SYT1: variants seen among roughly 807,000 people sequenced by gnomAD.
SYT1 encodes the protein synaptotagmin 1.
SYT1 carries 8 observed loss-of-function variants against 44.8 expected under a neutral mutation model. The ratio of observed to expected loss-of-function variants is 0.18; its 90% CI spans 0.10 to 0.32. The LOEUF (loss-of-function observed/expected upper bound fraction) is 0.32, where lower values mean the gene tolerates loss of function less well. SYT1 is among the 10% of genes least tolerant of loss of function. The probability of loss-of-function intolerance (pLI) is 1.00; values close to 1 mark genes in which losing one functional copy is unlikely to be tolerated. For missense variants in SYT1, 286 were observed against 509.3 expected (o/e 0.56, Z 4.22); for synonymous variants, 154 against 188.8 (o/e 0.82, Z 1.51).
chr12:79,182,084 T>G (rs1872580317), intron 3 of SYT1, among the ~76,000 whole-genome samples: 1 of 152,122 alleles, frequency 6.6e-6, no homozygotes, highest in Admixed American at 6.6e-5. Context: ...GTTATTACTT[T>G]GTCTTTGTCC....
At chr12:79,184,991 A>T (rs1481937154) in intron 3 of SYT1, among the ~76,000 whole-genome samples, 2 of 152,080 alleles carry the variant, frequency 1.3e-5, no homozygotes, top group Non-Finnish European at 2.9e-5. Context: ...CTGTGTTCTT[A>T]CCGCAAGAGC....
At chr12:78,904,372 T>C (rs927634193) in intron 1 of SYT1, among the ~76,000 whole-genome samples, 1 of 152,118 alleles carries the variant, frequency 6.6e-6, no homozygotes, top group African/African-American at 2.4e-5. Context: ...TGTAAAAATA[T>C]AAAATTTGAA....
intron 3 of SYT1, among the ~76,000 whole-genome samples, chr12:79,122,182 G>C (rs1222513536): frequency 6.6e-6 from 1 of 152,108 alleles, no homozygotes; most frequent in African/African-American, 2.4e-5. Context: ...AAAGACTGTA[G>C]AAAAATATGA....
chr12:79,173,883 C>T (rs61927328), intron 3 of SYT1, among the ~76,000 whole-genome samples: 11,426 of 152,000 alleles, frequency 0.075, 541 homozygotes, highest in African/African-American at 0.13. Flanking sequence ...TTAGCAAGTG[C>T]CGTAATGTAT....
intron 2 of SYT1, among the ~76,000 whole-genome samples, chr12:79,024,600 G>A (rs1872406006): frequency 6.6e-6 from 1 of 151,766 alleles, no homozygotes; most frequent in African/African-American, 2.4e-5. Context: ...TAAGAATGAT[G>A]TACCAGAGTT....
intron 3 of SYT1, among the ~76,000 whole-genome samples, chr12:79,057,173 C>A (rs186603065): frequency 6.6e-6 from 1 of 151,976 alleles, no homozygotes; most frequent in Non-Finnish European, 1.5e-5. Context: ...CTTTTCTATT[C>A]TGAAAGATGA....
intron 4 of SYT1, among the ~76,000 whole-genome samples, chr12:79,235,379 A>C (rs1048400986): frequency 1.3e-5 from 2 of 152,078 alleles, no homozygotes; most frequent in African/African-American, 4.8e-5. Context: ...CTAAATGTAA[A>C]AGTTAAAACT....
chr12:79,192,225 A>G (rs778582518), intron 3 of SYT1, among the ~76,000 whole-genome samples: 11 of 152,180 alleles, frequency 7.2e-5, no homozygotes, highest in Non-Finnish European at 1.5e-4. Flanking sequence ...AAGAGATCAC[A>G]TAGGATGAAA....
chr12:78,968,691 G>T (rs1317109686), intron 1 of SYT1, among the ~76,000 whole-genome samples: 1 of 152,152 alleles, frequency 6.6e-6, no homozygotes, highest in Non-Finnish European at 1.5e-5. Flanking sequence ...ATAGTGCAGA[G>T]TGTACTTCAA....
intron 9 of SYT1, among the ~76,000 whole-genome samples, chr12:79,386,109 G>T (rs1007404914): frequency 6.6e-6 from 1 of 152,060 alleles, no homozygotes; most frequent in Non-Finnish European, 1.5e-5. Context: ...CCCCTTAAAG[G>T]TTGTATGGTG....
At chr12:79,057,404 C>T (rs1260985253) in intron 3 of SYT1, among the ~76,000 whole-genome samples, 1 of 151,374 alleles carries the variant, frequency 6.6e-6, no homozygotes, top group Non-Finnish European at 1.5e-5. Flanking sequence ...CTCATATGAC[C>T]CCCCCCAAAT....
intron 3 of SYT1, among the ~76,000 whole-genome samples, chr12:79,122,374 C>G (rs1312801963): frequency 6.7e-6 from 1 of 149,858 alleles, no homozygotes; most frequent in Non-Finnish European, 1.5e-5. Flanking sequence ...ATTAGCCGGG[C>G]GTGGTAGCGG....
Position 78,865,095 on chromosome 12 carries a change from C to A in SYT1, c.-231C>A, listed in dbSNP as rs1315275434. On this transcript the variant is annotated 5_prime_UTR_variant, in exon 1 of 11. Transcript: ENST00000261205. ...GGGACCGAGACCCGGCACCACCTCC[C>A]GGTCCGCCCTCCAGGTAAGGAAGCG... The A allele has an allele frequency of 1.3e-5, 2 of 152,254 alleles. No individual in the cohort carries two copies. The highest frequency in any genetic ancestry group is 4.8e-5 in the African/African-American group (2 of 41,444). The allele number at this position is 152,254 out of a possible 1,614,324, so 9.4% of individuals were successfully genotyped here.
At chr12:79,091,296 A>G (rs892502976) in intron 3 of SYT1, among the ~76,000 whole-genome samples, 1 of 152,024 alleles carries the variant, frequency 6.6e-6, no homozygotes, top group African/African-American at 2.4e-5. Context: ...GAATAAGTAG[A>G]AAAATGTCTC....
At chr12:78,987,631 C>T (rs1257683183) in intron 2 of SYT1, among the ~76,000 whole-genome samples, 1 of 151,948 alleles carries the variant, frequency 6.6e-6, no homozygotes, top group Non-Finnish European at 1.5e-5. Flanking sequence ...CTTGAGCCTA[C>T]AGTACTCTGC....
intron 1 of SYT1, among the ~76,000 whole-genome samples, chr12:78,889,769 A>G (rs1173902016): frequency 6.6e-6 from 1 of 151,968 alleles, no homozygotes; most frequent in Non-Finnish European, 1.5e-5. Context: ...TTAGCTAATT[A>G]CCCTTAGATT....
intron 9 of SYT1, among the ~76,000 whole-genome samples, chr12:79,421,023 G>A (rs1869078617): frequency 3.3e-5 from 5 of 152,140 alleles, no homozygotes; most frequent in Admixed American, 6.6e-5. Context: ...CAAAGCAGAT[G>A]TGAAATTGAG....
At chr12:78,920,333 G>T (rs1208754854) in intron 1 of SYT1, among the ~76,000 whole-genome samples, 1 of 151,782 alleles carries the variant, frequency 6.6e-6, no homozygotes, top group African/African-American at 2.4e-5. Context: ...CCTGTGACTG[G>T]GTTGTCTTAT....
intron 2 of SYT1, among the ~76,000 whole-genome samples, chr12:78,987,653 C>A (rs1869738731): frequency 6.6e-6 from 1 of 151,904 alleles, no homozygotes; most frequent in Non-Finnish European, 1.5e-5. Context: ...TACATAGTTA[C>A]CATTTGCTAT....
Sources: gnomAD v4.1 joint callset for allele counts (sites outside exome capture counted in the v4.1 genomes callset) on GRCh38, gnomAD v4.1.1 for gene constraint, MANE v1.5 for transcripts, NCBI Gene and HGNC (gene_info 2026-07-23, HGNC 2026-07-21) for gene names.